GGA2: variants seen among roughly 807,000 people sequenced by gnomAD.
GGA2 encodes golgi associated, gamma adaptin ear containing, ARF binding protein 2.
GGA2 carries 48 observed loss-of-function variants against 79.5 expected under a neutral mutation model. That is an observed-to-expected ratio of 0.60 (90% CI 0.48 to 0.77). The LOEUF (loss-of-function observed/expected upper bound fraction) is 0.77, where lower values mean the gene tolerates loss of function less well. Among genes scored for constraint, GGA2 ranks in the 30% least tolerant of loss-of-function variants. The pLI is 0.00. For synonymous variants in GGA2, 317 were observed against 302.0 expected, an observed-to-expected ratio of 1.05 and a Z score of -0.51; for missense variants, 770 against 774.0, an observed-to-expected ratio of 0.99 and a Z score of 0.06.
Position 23,480,745 on chromosome 16 carries a change from G to A in GGA2, c.906C>T (p.Leu302=), listed in dbSNP as rs1964637376. The A allele has an allele frequency of 4.3e-6, 7 of 1,611,068 alleles. No individual in the cohort carries two copies. The highest frequency in any genetic ancestry group is 5.9e-6 in the Non-Finnish European group (7 of 1,177,498). The change falls in exon 10 of 17, where the codon CTC becomes CTT. Residue 302 remains leucine, a synonymous_variant. Coordinates refer to ENST00000309859, the MANE Select transcript of GGA2 (RefSeq NM_015044.4). ...ALAEILQAND[L]LTQGVLLYKQ... is the part of the protein sequence containing the mutation. Reference sequence around the variant, plus strand: ...TGTACAGCAGAACTCCTTGGGTGAGGAGGTCATTTGCCTGGAGAATTTCCG... The same window carrying A: ...TGTACAGCAGAACTCCTTGGGTGAGAAGGTCATTTGCCTGGAGAATTTCCG...
chr16:23,475,762 A>T (rs569539430), intron 13 of GGA2, among the ~76,000 whole-genome samples: 2 of 151,440 alleles, frequency 1.3e-5, no homozygotes, highest in South Asian at 4.2e-4. Flanking sequence ...AAATTAAAAA[A>T]AAATAAAAAA....
At position 23,470,135 on chromosome 16, in the gene GGA2, C is replaced by A. The variant is rs202188100; in HGVS notation, c.1481G>T (p.Arg494Leu). The A allele has an allele frequency of 1.0e-5, 16 of 1,606,016 alleles. No homozygotes were observed. The highest frequency in any genetic ancestry group is 1.4e-5 in the Non-Finnish European group (16 of 1,176,762). ...SSLPPLIVYD[R>L]NGFRILLHFS... The stretch of plus-strand genomic sequence containing the variant: ...GTGGAGCAGAATTCTGAATCCATTC[C>A]GGTCATACACAATGAGAGGCGGCAG... The change falls in exon 15 of 17, where the codon CGG becomes CTG. Residue 494 changes from arginine to leucine, a missense_variant. By Grantham distance (102) the Arg-to-Leu change is moderately radical. Transcript: ENST00000309859.
At chr16:23,498,500 G>A (rs927054490) in intron 1 of GGA2, among the ~76,000 whole-genome samples, 3 of 152,168 alleles carry the variant, frequency 2.0e-5, no homozygotes, top group African/African-American at 7.2e-5. Flanking sequence ...GGCCAAGGTA[G>A]GAGGATCGCC....
chr16:23,470,427 G>A (rs1964495636), intron 14 of GGA2, among the ~76,000 whole-genome samples: 1 of 152,080 alleles, frequency 6.6e-6, no homozygotes, highest in Non-Finnish European at 1.5e-5. Context: ...TTTTGAGGAA[G>A]ATACGATCAT....
intron 9 of GGA2, among the ~76,000 whole-genome samples, chr16:23,482,255 C>T (rs942231547): frequency 3.3e-5 from 5 of 152,082 alleles, no homozygotes; most frequent in African/African-American, 1.2e-4. Flanking sequence ...CAGAGCGAGA[C>T]TCCATCTCCA....
intron 1 of GGA2, among the ~76,000 whole-genome samples, chr16:23,498,007 G>A (rs1175621675): frequency 1.3e-5 from 2 of 152,154 alleles, no homozygotes; most frequent in Non-Finnish European, 2.9e-5. Flanking sequence ...AAGGCTGGGC[G>A]CAGTGGCTCA....
At chr16:23,470,446 T>C (rs545209047) in intron 14 of GGA2, among the ~76,000 whole-genome samples, 1 of 152,206 alleles carries the variant, frequency 6.6e-6, no homozygotes, top group East Asian at 1.9e-4. Context: ...ATTATTAAAA[T>C]AATGCATGAA....
chr16:23,492,497 A>T (rs1429368661), intron 4 of GGA2, among the ~76,000 whole-genome samples: 1 of 152,222 alleles, frequency 6.6e-6, no homozygotes, highest in East Asian at 1.9e-4. Context: ...AAAACCTCAG[A>T]TGAAAACACT....
At position 23,510,486 on chromosome 16, in the gene GGA2, G is replaced by A. The variant is rs1252868143; in HGVS notation, c.-75C>T. 3.7e-6 allele frequency: 2 copies of A among 535,306 alleles called. No homozygotes were observed. The highest frequency in any genetic ancestry group is 5.8e-6 in the Non-Finnish European group (2 of 345,716). The allele number at this position is 535,306 out of a possible 1,614,324, so 33.2% of individuals were successfully genotyped here. Reference sequence around the variant, plus strand: ...CTGTAGCGTCCTGGCGCTCTCCTCTGCTGACTGCGCGGCAGGAGCGGTGGA... The same window carrying A: ...CTGTAGCGTCCTGGCGCTCTCCTCTACTGACTGCGCGGCAGGAGCGGTGGA... On this transcript the variant is annotated 5_prime_UTR_variant, in exon 1 of 17. Transcript: ENST00000309859.
At chr16:23,482,691 A>G (rs1038434236) in intron 9 of GGA2, among the ~76,000 whole-genome samples, 1 of 152,034 alleles carries the variant, frequency 6.6e-6, no homozygotes, top group African/African-American at 2.4e-5. Context: ...CCCAATCTCC[A>G]TGGTCAATTT....
chr16:23,509,231 C>T (rs903734305), intron 1 of GGA2, among the ~76,000 whole-genome samples: 2 of 152,056 alleles, frequency 1.3e-5, no homozygotes, highest in African/African-American at 4.8e-5. Context: ...GAAGATCTCG[C>T]CCCAATTAGC....
upstream of GGA2, among the ~76,000 whole-genome samples, chr16:23,514,120 A>C (rs1360334800): frequency 6.6e-6 from 1 of 151,648 alleles, no homozygotes; most frequent in African/African-American, 2.4e-5. Flanking sequence ...TTTTTTGATG[A>C]AACTTTTTTT....
At chr16:23,477,704 G>A (rs4967956) in intron 13 of GGA2, among the ~76,000 whole-genome samples, 110,581 of 152,082 alleles carry the variant, frequency 0.73, 40,943 homozygotes, top group Non-Finnish European at 0.81. Context: ...CTGAGATCGC[G>A]CCACTGCACT....
intron 2 of GGA2, among the ~76,000 whole-genome samples, chr16:23,494,919 T>TA (rs1235336777): frequency 4.6e-5 from 7 of 151,550 alleles, no homozygotes; most frequent in East Asian, 3.9e-4. Flanking sequence ...CCATCTCTAC[T>TA]AAAAAAATAC....
At chr16:23,468,187 A>G (rs1257033737) in intron 16 of GGA2, among the ~76,000 whole-genome samples, 1 of 151,068 alleles carries the variant, frequency 6.6e-6, no homozygotes, top group African/African-American at 2.4e-5. Flanking sequence ...CTGTCTATCT[A>G]TCTATCTATT....
At position 23,472,772 on chromosome 16, in the gene GGA2, C is replaced by T. The variant is rs149406164; in HGVS notation, c.1450+2132G>A. 7.1e-3 allele frequency among the ~76,000 whole-genome samples: 1,077 copies of T among 151,552 alleles called. 3 individuals carry two copies. Among genetic ancestry groups the T allele is most frequent in the Non-Finnish European group, 0.011 (743 of 67,886 alleles). On this transcript the variant is annotated intron_variant, in intron 14 of 16. Transcript: ENST00000309859. Reference sequence around the variant, plus strand: ...GAATAGGGCCGGGCGCAGTGGCTCACGCCTGTAATCCCAGCACTTTGGGAG... The same window carrying T: ...GAATAGGGCCGGGCGCAGTGGCTCATGCCTGTAATCCCAGCACTTTGGGAG...
rs570267242 is a variant in GGA2 at position 23,520,719 on chromosome 16, T to TG, written c.8+1073dup. Reference sequence around the variant, plus strand: ...AACCCTCAAACAGAAGACAGACGTCTGGAGCTGCTTTCAAGATAGCACAGC... The same window carrying TG: ...AACCCTCAAACAGAAGACAGACGTCTGGGAGCTGCTTTCAAGATAGCACAGC... On this transcript the variant is annotated intron_variant, in intron 1 of 5. Coordinates refer to the GGA2 transcript ENST00000569300. Among the ~76,000 whole-genome samples, 274 of 151,308 alleles carry TG rather than the reference T, an allele frequency of 1.8e-3. 1 individual carries two copies. Among genetic ancestry groups the TG allele is most frequent in the African/African-American group, 6.4e-3 (263 of 40,898 alleles).
At chr16:23,482,269 T>C (rs1964657576) in intron 9 of GGA2, among the ~76,000 whole-genome samples, 1 of 151,872 alleles carries the variant, frequency 6.6e-6, no homozygotes, top group African/African-American at 2.4e-5. Context: ...ATCTCCAAAA[T>C]AATTAAAAGA....
At chr16:23,480,140 G>A (rs1319219169) in intron 10 of GGA2, 4 of 468,322 alleles carry the variant, frequency 8.5e-6, no homozygotes, top group Non-Finnish European at 1.6e-5. Flanking sequence ...CACTCTGGAG[G>A]AAAGCAGATT....
Sources: gnomAD v4.1 joint callset for allele counts (sites outside exome capture counted in the v4.1 genomes callset) on GRCh38, gnomAD v4.1.1 for gene constraint, MANE v1.5 for transcripts, NCBI Gene and HGNC (gene_info 2026-07-23, HGNC 2026-07-21) for gene names.